Variants in FBXO31 observed in about 807,000 individuals in gnomAD.
FBXO31 encodes F-box protein 31, also known as F-box only protein 31.
In FBXO31, 24 loss-of-function variants were observed where a neutral mutation model predicts 54.4. The ratio of observed to expected loss-of-function variants is 0.44; its 90% CI spans 0.32 to 0.62. FBXO31 has a LOEUF of 0.62. Ranked by LOEUF, FBXO31 falls within the 20% of genes least tolerant of loss-of-function variation. The pLI is 0.05. For missense variants in FBXO31, 665 were observed against 787.1 expected (o/e 0.84, Z 1.86); for synonymous variants, 388 against 335.6 (o/e 1.16, Z -1.71).
At chr16:87,367,203 G>A (rs1906407430) in intron 1 of FBXO31, 1 of 152,140 alleles carries the variant, frequency 6.6e-6, no homozygotes, top group African/African-American at 2.4e-5. Flanking sequence ...CAAACAGAAA[G>A]AAATATGGTG....
At chr16:87,344,066 C>T (rs190125479) in intron 3 of FBXO31, among the ~76,000 whole-genome samples, 4 of 152,380 alleles carry the variant, frequency 2.6e-5, no homozygotes, top group African/African-American at 9.6e-5. Context: ...AGTGCAAGGG[C>T]CTCGTTCGCG....
At chr16:87,334,795 G>A (rs1279407124) in intron 7 of FBXO31, among the ~76,000 whole-genome samples, 1 of 152,236 alleles carries the variant, frequency 6.6e-6, no homozygotes, top group South Asian at 2.1e-4. Context: ...CGGGCAGCAT[G>A]TGCCAGGAGC....
intron 1 of FBXO31, among the ~76,000 whole-genome samples, chr16:87,376,298 G>A (rs1330500085): frequency 6.7e-6 from 1 of 150,226 alleles, no homozygotes; most frequent in Admixed American, 6.7e-5. Flanking sequence ...TGTTAAGACA[G>A]AGTCTTACTC....
chr16:87,331,614 C>A (rs1050604309), intron 8 of FBXO31, 104 bp from the exon 9 acceptor site: 11 of 978,096 alleles, frequency 1.1e-5, no homozygotes, highest in African/African-American at 6.5e-5. Context: ...AGAGCCACAT[C>A]CACTGTTCAT....
At chr16:87,349,325 C>T (rs182878409) in intron 2 of FBXO31, among the ~76,000 whole-genome samples, 45 of 152,090 alleles carry the variant, frequency 3.0e-4, no homozygotes, top group African/African-American at 1.1e-3. Flanking sequence ...AAATATAATC[C>T]CCCGGAAGCC....
chr16:87,383,872 C>A, upstream of FBXO31: 2 of 652,266 alleles, frequency 3.1e-6, no homozygotes, highest in East Asian at 6.5e-5. This position sits in a 1 kb window ranked among gnomAD's most constrained non-coding sequence, Gnocchi z 4.9. Context: ...CCCGCCCCTA[C>A]GTAGAGCTCC....
At chr16:87,370,211 C>A (rs1906538519) in intron 1 of FBXO31, among the ~76,000 whole-genome samples, 1 of 152,218 alleles carries the variant, frequency 6.6e-6, no homozygotes, top group Non-Finnish European at 1.5e-5. Flanking sequence ...TGAGCACCCC[C>A]TACCCCTGGG....
intron 1 of FBXO31, among the ~76,000 whole-genome samples, chr16:87,373,597 A>C (rs1906696194): frequency 6.6e-6 from 1 of 151,412 alleles, no homozygotes; most frequent in African/African-American, 2.4e-5. Flanking sequence ...CGGTATGAAC[A>C]AGCTCACTGC....
chr16:87,344,210 A>G (rs939965860), intron 3 of FBXO31, among the ~76,000 whole-genome samples: 2 of 152,272 alleles, frequency 1.3e-5, no homozygotes, highest in African/African-American at 4.8e-5. Flanking sequence ...GAGATGCAGG[A>G]AACACCCCCT....
At chr16:87,334,361 A>C in intron 7 of FBXO31, 75 bp from the exon 8 acceptor site, 1 of 1,392,020 alleles carries the variant, frequency 7.2e-7, no homozygotes, top group Non-Finnish European at 9.7e-7. Context: ...TCCAGCCCAG[A>C]TCCACCTCTG....
Position 87,346,429 on chromosome 16 carries a change from T to C in FBXO31, c.489+745A>G, listed in dbSNP as rs1001676123. On this transcript the variant is annotated intron_variant, in intron 3 of 8. Transcript: ENST00000311635. This position sits in a 1 kb window ranked among gnomAD's most constrained non-coding sequence, Gnocchi z 4.2. ...AAAGATTAACAAAGAGAAGGAAAACTTCACCGAAAAACGGGAATTTAATAA... is the reference window on the plus strand; with the variant it reads ...AAAGATTAACAAAGAGAAGGAAAACCTCACCGAAAAACGGGAATTTAATAA... 3.3e-5 allele frequency among the ~76,000 whole-genome samples: 5 copies of C among 152,126 alleles called. No homozygotes were observed. Among genetic ancestry groups the C allele is most frequent in the Non-Finnish European group, 7.4e-5 (5 of 68,020 alleles).
At chr16:87,333,791 C>A (rs1904946145) in intron 8 of FBXO31, 95 bp downstream of exon 8, 1 of 1,499,752 alleles carries the variant, frequency 6.7e-7, no homozygotes, top group African/African-American at 1.4e-5. Flanking sequence ...TGTGAGGTCA[C>A]AGGCCCTCTC....
chr16:87,365,037 A>ATATATATATATATATATATATATCTATC (rs1489132121), intron 1 of FBXO31, among the ~76,000 whole-genome samples: 2 of 106,872 alleles, frequency 1.9e-5, no homozygotes, highest in African/African-American at 3.5e-5. Context: ...ATATATATAT[A>ATATATATATATATATATATATATCTATC]TATCAGGCAG....
At position 87,383,363 on chromosome 16, in the gene FBXO31, G is replaced by GTCCCCCCCCC; in HGVS notation, c.340+41_340+42insGGGGGGGGGA. ...AGCTCCGAGGCCTCCACCTGGCAGG[G>GTCCCCCCCCC]ACCCCCCGCCCCTCCCGGCCCCGCC... On this transcript the variant is annotated intron_variant, in intron 1 of 8. Coordinates refer to ENST00000311635, the MANE Select transcript of FBXO31 (RefSeq NM_024735.5). The surrounding 1 kb of genome is among the most constrained non-coding windows in gnomAD (Gnocchi z 4.9). 2 of 1,437,772 alleles carry GTCCCCCCCCC rather than the reference G, an allele frequency of 1.4e-6. No individual in the cohort carries two copies. The highest frequency in any genetic ancestry group is 1.9e-6 in the Non-Finnish European group (2 of 1,064,686). The allele number at this position is 1,437,772 out of a possible 1,614,324, so 89.1% of individuals were successfully genotyped here. A position where few individuals can be genotyped will look rare whatever the true frequency, so the allele number is the denominator to read the frequency against.
chr16:87,388,285 T>G (rs1365031478), upstream of FBXO31, among the ~76,000 whole-genome samples: 1 of 152,228 alleles, frequency 6.6e-6, no homozygotes. Flanking sequence ...ATTCCCTGGA[T>G]TCTCCAGGGA....
rs145218278 is a variant in FBXO31, at chr16:87,346,887, G to A, written c.489+287C>T. 1.7e-3 allele frequency among the ~76,000 whole-genome samples: 257 copies of A among 152,344 alleles called. No individual in the cohort carries two copies. Among genetic ancestry groups the A allele is most frequent in the Admixed American group, 3.9e-3 (59 of 15,306 alleles). On this transcript the variant is annotated intron_variant, in intron 3 of 8. Transcript: ENST00000311635. The surrounding 1 kb of genome is among the most constrained non-coding windows in gnomAD (Gnocchi z 4.2). ...GGCTCCAGACCCCGCCAACATGTGC[G>A]CGATGGGCCTCAGCGTCCAGGAAGC...
intron 1 of FBXO31, 95 bp from the exon 2 acceptor site, chr16:87,360,461 C>T (rs1906085705): frequency 1.2e-5 from 12 of 1,011,156 alleles, no homozygotes; most frequent in Non-Finnish European, 1.8e-5. Context: ...GAGGTGCACA[C>T]CTAGCCTCAG....
intron 5 of FBXO31, among the ~76,000 whole-genome samples, chr16:87,342,356 C>T (rs9932115): frequency 2.0e-5 from 3 of 152,168 alleles, no homozygotes; most frequent in African/African-American, 7.2e-5. Context: ...CACCTTCCTT[C>T]TTAAGAGTAT....
chr16:87,376,818 C>A (rs566849552), intron 1 of FBXO31, among the ~76,000 whole-genome samples: 2 of 152,366 alleles, frequency 1.3e-5, no homozygotes, highest in Non-Finnish European at 2.9e-5. Flanking sequence ...CTGTTTCTCA[C>A]TTGAACTGGC....
Sources: allele counts gnomAD v4.1 joint callset (sites outside exome capture counted in the v4.1 genomes callset), GRCh38; gene constraint gnomAD v4.1.1; non-coding constraint Gnocchi (gnomAD v3.1); transcripts MANE v1.5; gene names NCBI Gene and HGNC (gene_info 2026-07-23, HGNC 2026-07-21).